NRXN3: variants seen among roughly 807,000 people sequenced by gnomAD.
NRXN3 encodes the protein neurexin III.
In NRXN3, 32 loss-of-function variants were observed where a neutral mutation model predicts 137.6. The ratio of observed to expected loss-of-function variants is 0.23; its 90% CI spans 0.18 to 0.31. The LOEUF is 0.31. Among genes scored for constraint, NRXN3 ranks in the 10% least tolerant of loss-of-function variants. The pLI is 1.00. For synonymous variants in NRXN3, 798 were observed against 784.5 expected, an observed-to-expected ratio of 1.02 and a Z score of -0.29; for missense variants, 1,574 against 2,062.5, an observed-to-expected ratio of 0.76 and a Z score of 4.59.
intron 4 of NRXN3, among the ~76,000 whole-genome samples, chr14:78,303,468 C>G (rs1217988585): frequency 6.6e-6 from 1 of 152,156 alleles, no homozygotes; most frequent in East Asian, 1.9e-4. Flanking sequence ...ATCTTGCTGT[C>G]ATTTATCTTC....
intron 10 of NRXN3, among the ~76,000 whole-genome samples, chr14:78,909,166 C>A (rs946527070): frequency 3.9e-5 from 6 of 152,074 alleles, no homozygotes; most frequent in African/African-American, 1.4e-4. Flanking sequence ...TTTAAACAAG[C>A]GGGATCAAAA....
intron 10 of NRXN3, among the ~76,000 whole-genome samples, chr14:78,949,076 A>C (rs1025641874): frequency 1.3e-5 from 2 of 152,078 alleles, no homozygotes; most frequent in African/African-American, 4.8e-5. Flanking sequence ...TGGTACTTTC[A>C]TTCCCCTATC....
At chr14:79,271,673 T>G (rs1418084206) in intron 15 of NRXN3, among the ~76,000 whole-genome samples, 1 of 151,870 alleles carries the variant, frequency 6.6e-6, no homozygotes, top group Non-Finnish European at 1.5e-5. Flanking sequence ...TTGATCCCTT[T>G]TGGAGCTCTT....
chr14:79,141,469 G>A (rs908543855), intron 15 of NRXN3, among the ~76,000 whole-genome samples: 5 of 152,102 alleles, frequency 3.3e-5, no homozygotes, highest in Admixed American at 6.6e-5. Context: ...TCCTTACCAC[G>A]TTTCCTTGAT....
intron 8 of NRXN3, among the ~76,000 whole-genome samples, chr14:78,787,018 G>A (rs1014058520): frequency 2.0e-5 from 3 of 151,982 alleles, no homozygotes; most frequent in Non-Finnish European, 2.9e-5. Flanking sequence ...GTTCTTTTTC[G>A]ATAAAGTGAC....
intron 15 of NRXN3, among the ~76,000 whole-genome samples, chr14:79,247,733 T>C (rs1190293337): frequency 6.6e-6 from 1 of 152,138 alleles, no homozygotes; most frequent in Non-Finnish European, 1.5e-5. Context: ...ATTTATGAAG[T>C]TTTGTTTATA....
At position 79,422,697 on chromosome 14, in the gene NRXN3, C is replaced by CTT. The variant is rs1185262366; in HGVS notation, c.3263-44505_3263-44504dup. ...AATTCTAATACTTCAGTTCCACATT[C>CTT]TTTTTTTTTTTTTTTTTTTTGAGAC... is the stretch of plus-strand genomic sequence containing the variant. On this transcript the variant is annotated intron_variant, in intron 15 of 20. Transcript: ENST00000335750. 1.6e-3 allele frequency among the ~76,000 whole-genome samples: 203 copies of CTT among 130,146 alleles called. 4 individuals are homozygous for CTT. Among genetic ancestry groups the CTT allele is most frequent in the African/African-American group, 3.9e-3 (138 of 35,128 alleles). 85.4% of individuals were successfully genotyped at this position (130,146 alleles called of 152,430 possible).
chr14:79,306,284 C>T (rs1478977817), intron 15 of NRXN3, among the ~76,000 whole-genome samples: 1 of 152,090 alleles, frequency 6.6e-6, no homozygotes. Context: ...AGACAACGCA[C>T]ACATCCTTGT....
chr14:79,308,682 C>A (rs1445459471), intron 15 of NRXN3, among the ~76,000 whole-genome samples: 1 of 151,872 alleles, frequency 6.6e-6, no homozygotes. Flanking sequence ...GGTCTGAGAA[C>A]CAGATGGAAG....
At chr14:79,837,837 A>T (rs35224540) in intron 20 of NRXN3, among the ~76,000 whole-genome samples, 2 of 152,128 alleles carry the variant, frequency 1.3e-5, no homozygotes, top group Non-Finnish European at 2.9e-5. Context: ...ATTTTCCAAC[A>T]TTTAAACTCT....
chr14:78,841,039 T>C (rs529201490), intron 10 of NRXN3, among the ~76,000 whole-genome samples: 2 of 152,286 alleles, frequency 1.3e-5, no homozygotes, highest in Admixed American at 6.5e-5. Flanking sequence ...TTAAGCAACA[T>C]GCCTCAGGCC....
intron 16 of NRXN3, among the ~76,000 whole-genome samples, chr14:79,615,850 A>AACT (rs2098148667): frequency 1.3e-5 from 2 of 152,188 alleles, no homozygotes; most frequent in Non-Finnish European, 2.9e-5. Context: ...TTGGGTGGGG[A>AACT]CACAGCCAAA....
At chr14:79,391,161 C>G (rs140831017) in intron 15 of NRXN3, among the ~76,000 whole-genome samples, 70 of 151,698 alleles carry the variant, frequency 4.6e-4, no homozygotes, top group African/African-American at 1.6e-3. Flanking sequence ...ACAAGAATGG[C>G]CTACATTAAA....
chr14:79,051,418 C>G (rs111401419), intron 15 of NRXN3, among the ~76,000 whole-genome samples: 1,854 of 152,238 alleles, frequency 0.012, 36 homozygotes, highest in African/African-American at 0.043. Context: ...AAGGAACATG[C>G]CTTTAGCCGC....
intron 4 of NRXN3, among the ~76,000 whole-genome samples, chr14:78,327,904 G>T (rs2153566393): frequency 6.6e-6 from 1 of 152,302 alleles, no homozygotes; most frequent in East Asian, 1.9e-4. Context: ...ATGTAGAGCA[G>T]TTGGAGGTCC....
chr14:79,603,853 A>C (rs2097959279), intron 16 of NRXN3, among the ~76,000 whole-genome samples: 1 of 152,146 alleles, frequency 6.6e-6, no homozygotes, highest in Non-Finnish European at 1.5e-5. Flanking sequence ...GGAATGGAAG[A>C]GTGGGAATAT....
intron 15 of NRXN3, chr14:79,246,746 C>T (rs575325499): frequency 1.3e-5 from 2 of 152,124 alleles, no homozygotes; most frequent in African/African-American, 4.8e-5. Flanking sequence ...TTTGTTTTCC[C>T]TGCAACAAGG....
At chr14:79,527,360 A>T (rs1187143754) in intron 16 of NRXN3, among the ~76,000 whole-genome samples, 1 of 149,276 alleles carries the variant, frequency 6.7e-6, no homozygotes, top group African/African-American at 2.5e-5. Context: ...CGGGTTAGAG[A>T]TGGTGGTTAG....
intron 20 of NRXN3, among the ~76,000 whole-genome samples, chr14:79,858,184 G>A (rs1286188915): frequency 6.7e-6 from 1 of 148,746 alleles, no homozygotes; most frequent in Non-Finnish European, 1.5e-5. Context: ...TTGCATTAGT[G>A]TGTTAAATGA....
Sources: gnomAD v4.1 joint callset for allele counts (sites outside exome capture counted in the v4.1 genomes callset) on GRCh38, gnomAD v4.1.1 for gene constraint, MANE v1.5 for transcripts, NCBI Gene and HGNC (gene_info 2026-07-23, HGNC 2026-07-21) for gene names.